The following TTC6 variants were observed in gnomAD, a reference collection of about 807,000 sequenced individuals.
The protein encoded by TTC6 is tetratricopeptide repeat domain 6.
A neutral mutation model predicts 210.4 loss-of-function variants in TTC6; 172 were observed. That is an observed-to-expected ratio of 0.82 (90% CI 0.72 to 0.93). TTC6 has a LOEUF of 0.93. Ranked by LOEUF, TTC6 falls within the 40% of genes least tolerant of loss-of-function variation. The pLI is 0.00. For synonymous variants in TTC6, 804 were observed against 819.6 expected, an observed-to-expected ratio of 0.98 and a Z score of 0.32; for missense variants, 2,414 against 2,318.1, an observed-to-expected ratio of 1.04 and a Z score of -0.85.
intron 1 of TTC6, among the ~76,000 whole-genome samples, chr14:37,605,558 T>C (rs1227792571): frequency 6.6e-6 from 1 of 152,196 alleles, no homozygotes. Context: ...ACAGCTTACT[T>C]GGGAGAGCTG....
chr14:37,741,579 C>T (rs755499659), intron 10 of TTC6, among the ~76,000 whole-genome samples: 42 of 152,134 alleles, frequency 2.8e-4, no homozygotes, highest in Non-Finnish European at 4.7e-4. Context: ...CATGAGGCAC[C>T]GCGCCTGGCC....
intron 20 of TTC6, among the ~76,000 whole-genome samples, chr14:37,798,823 A>T (rs1487172189): frequency 6.6e-6 from 1 of 152,138 alleles, no homozygotes; most frequent in Non-Finnish European, 1.5e-5. Flanking sequence ...TGAAATTATT[A>T]TGTTTTTATC....
At chr14:37,800,226 A>G (rs1449215599) in intron 20 of TTC6, among the ~76,000 whole-genome samples, 1 of 152,124 alleles carries the variant, frequency 6.6e-6, no homozygotes, top group African/African-American at 2.4e-5. Flanking sequence ...AATGAGCAAC[A>G]TGTTATTATT....
At chr14:37,634,494 A>C (rs2095676152) in intron 1 of TTC6, among the ~76,000 whole-genome samples, 1 of 152,196 alleles carries the variant, frequency 6.6e-6, no homozygotes, top group Admixed American at 6.5e-5. Flanking sequence ...TGGGACTAAA[A>C]CAAAAGACAT....
At chr14:37,617,034 G>C (rs914555462) in intron 2 of TTC6, among the ~76,000 whole-genome samples, 1 of 151,896 alleles carries the variant, frequency 6.6e-6, no homozygotes, top group African/African-American at 2.4e-5. Context: ...GTACCAACAT[G>C]CCCGGTTAAT....
At position 37,602,070 on chromosome 14, in the gene TTC6, C is replaced by G. The variant is rs189302281; in HGVS notation, c.-234-4593C>G. ...CTCTATTAGTCCGAGGCTGCGCACC[C>G]GGCTTAGAGCGCGCTGAGTGTCCGT... On this transcript the variant is annotated intron_variant, in intron 1 of 2. Coordinates refer to the TTC6 transcript ENST00000556845. Among the ~76,000 whole-genome samples, 7 of 152,326 alleles carry G rather than the reference C, an allele frequency of 4.6e-5. No individual in the cohort carries two copies. In the East Asian group the frequency reaches 1.4e-3, roughly 30 times the overall value.
intron 5 of TTC6, among the ~76,000 whole-genome samples, chr14:37,706,567 G>T (rs988728542): frequency 6.6e-6 from 1 of 152,062 alleles, no homozygotes; most frequent in Non-Finnish European, 1.5e-5. Flanking sequence ...TATCATGGAA[G>T]AATTTTAATT....
intron 1 of TTC6, among the ~76,000 whole-genome samples, chr14:37,675,443 G>A (rs1443430187): frequency 2.6e-5 from 4 of 152,038 alleles, no homozygotes; most frequent in Non-Finnish European, 5.9e-5. Context: ...CCATTGTATG[G>A]ATATACCAAA....
intron 14 of TTC6, among the ~76,000 whole-genome samples, chr14:37,758,513 C>CA (rs2095974552): frequency 6.6e-6 from 1 of 151,806 alleles, no homozygotes; most frequent in South Asian, 2.1e-4. Context: ...GTAACCCCTG[C>CA]TTTTTTTTGC....
intron 26 of TTC6, among the ~76,000 whole-genome samples, chr14:37,821,011 T>C (rs1250389875): frequency 4.7e-5 from 3 of 63,890 alleles, no homozygotes; most frequent in African/African-American, 1.4e-4. Flanking sequence ...CTTGCTCTTC[T>C]TCTTCTTCTT....
chr14:37,620,784 T>C (rs568602338), upstream of TTC6, among the ~76,000 whole-genome samples: 398 of 152,368 alleles, frequency 2.6e-3, 3 homozygotes, highest in Non-Finnish European at 5.0e-3. Flanking sequence ...TCAAAGTCCC[T>C]ATTTTTTGAA....
intron 1 of TTC6, among the ~76,000 whole-genome samples, chr14:37,656,770 T>G (rs1347127754): frequency 5.9e-5 from 9 of 152,044 alleles, no homozygotes. Context: ...CTTTTTGGCA[T>G]TTTCAGCTGG....
chr14:37,806,624 T>C, intron 22 of TTC6, 114 bp downstream of exon 24: 1 of 1,000,012 alleles, frequency 1.0e-6, no homozygotes, highest in South Asian at 2.2e-5. Context: ...ATACCTACTT[T>C]TCACTTAACT....
chr14:37,716,105 A>G (rs1053856305), intron 6 of TTC6, among the ~76,000 whole-genome samples: 13 of 152,142 alleles, frequency 8.5e-5, no homozygotes, highest in African/African-American at 2.9e-4. Context: ...TCTACGTATC[A>G]CTTGAACTAG....
intron 1 of TTC6, among the ~76,000 whole-genome samples, chr14:37,653,681 A>C (rs1184171223): frequency 6.6e-6 from 1 of 152,128 alleles, no homozygotes; most frequent in Non-Finnish European, 1.5e-5. Context: ...TCCAATTCCT[A>C]AATCTTTCTG....
intron 14 of TTC6, among the ~76,000 whole-genome samples, chr14:37,779,455 A>G (rs2096048044): frequency 1.3e-5 from 2 of 151,964 alleles, no homozygotes; most frequent in Admixed American, 1.3e-4. Context: ...ATAGTACTGC[A>G]TTTTCTTTGT....
intron 14 of TTC6, among the ~76,000 whole-genome samples, chr14:37,781,187 C>T (rs966610049): frequency 2.0e-5 from 3 of 152,174 alleles, no homozygotes; most frequent in Non-Finnish European, 2.9e-5. Context: ...AGTTCTAGAT[C>T]CTTGAGGAAT....
At chr14:37,808,708 C>T in intron 23 of TTC6, 25 bp from the exon 26 acceptor site, 1 of 1,176,484 alleles carries the variant, frequency 8.5e-7, no homozygotes, top group South Asian at 1.5e-5. Context: ...TTTCCTTTCT[C>T]ACATAATTAC....
At chr14:37,599,895 G>T (rs1046127360) in intron 1 of TTC6, among the ~76,000 whole-genome samples, 4 of 152,134 alleles carry the variant, frequency 2.6e-5, no homozygotes, top group African/African-American at 7.2e-5. Context: ...CGCCGTTGTG[G>T]CCCCCGAGTT....
Sources: allele counts gnomAD v4.1 joint callset (sites outside exome capture counted in the v4.1 genomes callset), GRCh38; gene constraint gnomAD v4.1.1; transcripts MANE v1.5; gene names NCBI Gene and HGNC (gene_info 2026-07-23, HGNC 2026-07-21).